Variants in THSD7B observed in about 807,000 individuals in gnomAD.
The protein encoded by THSD7B is thrombospondin type 1 domain containing 7B.
THSD7B carries 138 observed loss-of-function variants against 213.6 expected under a neutral mutation model. The ratio of observed to expected loss-of-function variants is 0.65; its 90% CI spans 0.56 to 0.74. The LOEUF (loss-of-function observed/expected upper bound fraction) is 0.74, where lower values mean the gene tolerates loss of function less well. Among genes scored for constraint, THSD7B ranks in the 30% least tolerant of loss-of-function variants. The pLI is 0.00. For synonymous variants in THSD7B, 742 were observed against 687.0 expected (o/e 1.08, Z -1.25); for missense variants, 1,931 against 1,991.5 (o/e 0.97, Z 0.58).
At chr2:136,838,587 C>A (rs1394383073) in intron 1 of THSD7B, among the ~76,000 whole-genome samples, 1 of 152,128 alleles carries the variant, frequency 6.6e-6, no homozygotes, top group African/African-American at 2.4e-5. Context: ...TAATTTTTCG[C>A]TTTTACATAT....
chr2:137,188,447 GGCCTCCT>G (rs201246757), intron 7 of THSD7B, among the ~76,000 whole-genome samples: 7,020 of 151,952 alleles, frequency 0.046, 199 homozygotes, highest in Admixed American at 0.069. Flanking sequence ...TTAGTTCCAG[GGCCTCCT>G]AATGAATAAC....
At chr2:137,523,384 G>A (rs1199486407) in intron 15 of THSD7B, among the ~76,000 whole-genome samples, 2 of 152,152 alleles carry the variant, frequency 1.3e-5, no homozygotes, top group Non-Finnish European at 2.9e-5. Flanking sequence ...GAGGTTAGGA[G>A]AAACTTATAT....
At position 137,344,033 on chromosome 2, in the gene THSD7B, C is replaced by T. The variant is rs146603718; in HGVS notation, c.2501-61580C>T. ...AGGACAATGGTCTAAGACAGGAGCTCCCAACACCTGGGCCACTGACCAGTA... is the reference window on the plus strand; with the variant it reads ...AGGACAATGGTCTAAGACAGGAGCTTCCAACACCTGGGCCACTGACCAGTA... On this transcript the variant is annotated intron_variant, in intron 12 of 27. Coordinates refer to ENST00000409968, the MANE Select transcript of THSD7B (RefSeq NM_001316349.2). Among the ~76,000 whole-genome samples, 66 of 151,782 alleles carry T rather than the reference C, an allele frequency of 4.3e-4. No individual in the cohort carries two copies. The East Asian group carries it at 0.012, about 28-fold the overall frequency.
intron 14 of THSD7B, among the ~76,000 whole-genome samples, chr2:137,433,947 T>G (rs571618572): frequency 6.6e-6 from 1 of 152,164 alleles, no homozygotes; most frequent in Non-Finnish European, 1.5e-5. Context: ...TATTCTTAGT[T>G]GCTCATTATT....
intron 12 of THSD7B, among the ~76,000 whole-genome samples, chr2:137,320,891 G>T (rs1201585620): frequency 6.6e-6 from 1 of 152,182 alleles, no homozygotes; most frequent in Admixed American, 6.5e-5. Context: ...GCAATTCAAA[G>T]AATTATTCAT....
intron 12 of THSD7B, among the ~76,000 whole-genome samples, chr2:137,350,266 A>C (rs1433553959): frequency 6.6e-6 from 1 of 151,880 alleles, no homozygotes; most frequent in Non-Finnish European, 1.5e-5. Flanking sequence ...GAATCCTTGA[A>C]ATTTTTTCTG....
chr2:137,533,506 G>T lies in THSD7B; in HGVS notation c.3139-29715G>T, dbSNP rs79899277. Among the ~76,000 whole-genome samples, 1,420 of 151,994 alleles carry T rather than the reference G, an allele frequency of 9.3e-3. 22 individuals are homozygous for T. The highest frequency in any genetic ancestry group is 0.032 in the African/African-American group (1,323 of 41,532). ...CATTTAGCAAGAAGGTAGCAAAATAGTTGGAGTATTTGTTGTTATTATTGT... is the reference window on the plus strand; with the variant it reads ...CATTTAGCAAGAAGGTAGCAAAATATTTGGAGTATTTGTTGTTATTATTGT... On this transcript the variant is annotated intron_variant, in intron 15 of 27. Coordinates refer to ENST00000409968, the MANE Select transcript of THSD7B (RefSeq NM_001316349.2).
At chr2:137,427,005 T>C (rs1687074547) in intron 14 of THSD7B, among the ~76,000 whole-genome samples, 1 of 152,118 alleles carries the variant, frequency 6.6e-6, no homozygotes, top group South Asian at 2.1e-4. Context: ...GACATTTTTT[T>C]CAAGGAAGAC....
chr2:136,999,689 C>T (rs1685965702), intron 2 of THSD7B, among the ~76,000 whole-genome samples: 1 of 151,936 alleles, frequency 6.6e-6, no homozygotes, highest in Non-Finnish European at 1.5e-5. Flanking sequence ...TGAGGAGAAA[C>T]TCACAATATT....
chr2:137,195,319 G>A (rs1275368020), intron 7 of THSD7B, among the ~76,000 whole-genome samples: 1 of 151,798 alleles, frequency 6.6e-6, no homozygotes, highest in African/African-American at 2.4e-5. Context: ...TCTTTATTGA[G>A]AGAACTGAGA....
At chr2:137,568,152 G>A (rs1681279542) in intron 16 of THSD7B, among the ~76,000 whole-genome samples, 1 of 152,114 alleles carries the variant, frequency 6.6e-6, no homozygotes, top group Non-Finnish European at 1.5e-5. Context: ...AGGTTTCTCT[G>A]GAATGGTAAT....
intron 17 of THSD7B, 34 bp from the exon 18 acceptor site, chr2:137,616,141 C>T: frequency 1.2e-6 from 2 of 1,602,584 alleles, no homozygotes; most frequent in Non-Finnish European, 1.7e-6. Context: ...AATAACTTGC[C>T]CACAGTCAAC....
chr2:137,473,612 C>A (rs2105095660), intron 15 of THSD7B, among the ~76,000 whole-genome samples: 1 of 152,216 alleles, frequency 6.6e-6, no homozygotes, highest in South Asian at 2.1e-4. Flanking sequence ...CAAAATTAGT[C>A]ATGTTGAATA....
intron 5 of THSD7B, among the ~76,000 whole-genome samples, chr2:137,119,985 TG>T (rs373984416): frequency 2.0e-5 from 3 of 152,186 alleles, no homozygotes; most frequent in South Asian, 2.1e-4. Context: ...TAAAGTCATT[TG>T]GGTGTGAGAA....
chr2:137,222,400 A>T (rs1335566916), intron 7 of THSD7B, among the ~76,000 whole-genome samples: 1 of 152,204 alleles, frequency 6.6e-6, no homozygotes, highest in Non-Finnish European at 1.5e-5. Context: ...TTTCCTTTTG[A>T]AGAAACATTT....
chr2:137,336,009 A>G (rs557045389), intron 12 of THSD7B, among the ~76,000 whole-genome samples: 106 of 152,204 alleles, frequency 7.0e-4, no homozygotes, highest in African/African-American at 2.5e-3. Flanking sequence ...AATATTATTT[A>G]ATAACCTTAA....
Position 137,102,792 on chromosome 2 carries a change from T to C in THSD7B, c.1199+7671T>C, listed in dbSNP as rs1216708513. On this transcript the variant is annotated intron_variant, in intron 4 of 27. Coordinates refer to ENST00000409968, the MANE Select transcript of THSD7B (RefSeq NM_001316349.2). The stretch of plus-strand genomic sequence containing the variant: ...CAAGGGGAAGAAAGGATATCAGAGA[T>C]TGAAGATCAACTTAATGAAATAAAG... Among the ~76,000 whole-genome samples, 4 of 151,978 alleles carry C rather than the reference T, an allele frequency of 2.6e-5. No homozygotes were observed. In the South Asian group the frequency reaches 6.2e-4, roughly 24 times the overall value.
intron 12 of THSD7B, among the ~76,000 whole-genome samples, chr2:137,306,655 G>A (rs950489622): frequency 1.3e-5 from 2 of 151,902 alleles, no homozygotes; most frequent in African/African-American, 4.8e-5. Context: ...TTTTCATGCT[G>A]TCCTGTCTTT....
At position 137,242,357 on chromosome 2, in the gene THSD7B, C is replaced by A. The variant is rs568079826; in HGVS notation, c.2151-100C>A. The A allele has an allele frequency of 2.9e-4, 245 of 843,994 alleles. 1 individual carries two copies. The Middle Eastern group carries it at 4.1e-3, about 14-fold the overall frequency. 52.3% of individuals were successfully genotyped at this position (843,994 alleles called of 1,614,324 possible). On this transcript the variant is annotated intron_variant, in intron 9 of 27. Coordinates refer to ENST00000409968, the MANE Select transcript of THSD7B (RefSeq NM_001316349.2). ...TCTCTTCCCTCACCTATTAAGGGAA[C>A]ATGAGGCCCTTAATATTTTCGGTTC...
Sources: allele counts gnomAD v4.1 joint callset (sites outside exome capture counted in the v4.1 genomes callset), GRCh38; gene constraint gnomAD v4.1.1; transcripts MANE v1.5; gene names NCBI Gene and HGNC (gene_info 2026-07-23, HGNC 2026-07-21).